Variants in FGD6 observed in about 807,000 individuals in gnomAD.
FGD6 encodes FYVE, RhoGEF and PH domain containing 6, also known as FYVE, RhoGEF and PH domain-containing protein 6.
A neutral mutation model predicts 149.4 loss-of-function variants in FGD6; 90 were observed. The ratio of observed to expected loss-of-function variants is 0.60; its 90% CI spans 0.51 to 0.72. FGD6 has a LOEUF of 0.72. Ranked by LOEUF, FGD6 falls within the 30% of genes least tolerant of loss-of-function variation. The pLI, the probability that FGD6 is intolerant of heterozygous loss-of-function variation, is 0.00. For synonymous variants in FGD6, 527 were observed against 584.0 expected (o/e 0.90, Z 1.41); for missense variants, 1,437 against 1,684.8 (o/e 0.85, Z 2.57).
chr12:95,081,915 G>T (rs1261284588), intron 20 of FGD6, among the ~76,000 whole-genome samples: 1 of 151,874 alleles, frequency 6.6e-6, no homozygotes, highest in Non-Finnish European at 1.5e-5. Context: ...CATGTGATCG[G>T]CCTGCCTCGG....
chr12:95,129,482 C>A (rs543034908), intron 8 of FGD6, among the ~76,000 whole-genome samples: 7 of 152,192 alleles, frequency 4.6e-5, no homozygotes, highest in Non-Finnish European at 7.4e-5. Flanking sequence ...GGATCTATGC[C>A]TGACACTGGG....
At position 95,092,500 on chromosome 12, in the gene FGD6, A is replaced by C. The variant is rs527483757; in HGVS notation, c.3747+199T>G. Among the ~76,000 whole-genome samples the C allele has an allele frequency of 8.0e-4, 122 of 152,210 alleles. 1 individual carries two copies. The highest frequency in any genetic ancestry group is 2.6e-3 in the African/African-American group (108 of 41,572). On this transcript the variant is annotated intron_variant, in intron 16 of 20. Coordinates refer to ENST00000343958, the MANE Select transcript of FGD6 (RefSeq NM_018351.4). ...TGTAACTCTGAAGTAGGAGGGTGGAAGTTCACTAAGAAGATTGCCCCTGCC... is the reference window on the plus strand; with the variant it reads ...TGTAACTCTGAAGTAGGAGGGTGGACGTTCACTAAGAAGATTGCCCCTGCC...
At chr12:95,182,306 G>C (rs532110422) in intron 2 of FGD6, among the ~76,000 whole-genome samples, 7 of 149,716 alleles carry the variant, frequency 4.7e-5, no homozygotes, top group Non-Finnish European at 8.9e-5. Context: ...AGGTTCAAGT[G>C]ATTTTCCTGC....
intron 1 of FGD6, among the ~76,000 whole-genome samples, chr12:95,214,588 T>C (rs1203853565): frequency 1.3e-5 from 2 of 152,242 alleles, no homozygotes; most frequent in East Asian, 3.9e-4. Flanking sequence ...GACCCAAAGC[T>C]TCTTAGAGCA....
In FGD6 at chr12:95,209,905, T is replaced by C. The variant is rs777019086; in HGVS notation, c.1379A>G (p.Lys460Arg). 2 of 1,613,394 alleles carry C rather than the reference T, an allele frequency of 1.2e-6. No individual in the cohort carries two copies. Among genetic ancestry groups the C allele is most frequent in the Non-Finnish European group, 8.5e-7 (1 of 1,179,904 alleles). ...TVSMSLPKQLKLTCNEHLQSG... is the reference protein window; with the variant it reads ...TVSMSLPKQLRLTCNEHLQSG... ...TTGCAAATGTTCATTGCAAGTTAAT[T>C]TGAGCTGCTTAGGCAGGCTCATAGA... Residue 460 changes from lysine to arginine, a missense_variant, in exon 2 of 21, where the codon AAA (lysine) becomes AGA (arginine). Lys to Arg is a conservative substitution (Grantham distance 26). Transcript: ENST00000343958.
intron 13 of FGD6, among the ~76,000 whole-genome samples, chr12:95,105,852 C>T (rs1207624077): frequency 2.0e-5 from 3 of 151,958 alleles, no homozygotes; most frequent in Non-Finnish European, 4.4e-5. Context: ...AGTGAAACCC[C>T]GTCTCTGTGA....
chr12:95,095,166 C>G (rs1298633534), intron 14 of FGD6, among the ~76,000 whole-genome samples: 1 of 152,110 alleles, frequency 6.6e-6, no homozygotes, highest in Non-Finnish European at 1.5e-5. Context: ...AGGAAGGGCA[C>G]TGGGGTGAAG....
At chr12:95,202,116 G>A (rs10859848) in intron 2 of FGD6, among the ~76,000 whole-genome samples, 16,630 of 151,862 alleles carry the variant, frequency 0.11, 1,000 homozygotes, top group East Asian at 0.25. Flanking sequence ...TGGGCTGGCC[G>A]CGGTGAGTCA....
At chr12:95,088,281 A>G (rs1468184654) in intron 18 of FGD6, among the ~76,000 whole-genome samples, 4 of 152,202 alleles carry the variant, frequency 2.6e-5, no homozygotes, top group African/African-American at 9.7e-5. Context: ...TTTTGGGTAC[A>G]CTGTATACTG....
chr12:95,172,624 C>A lies in FGD6; in HGVS notation c.2562G>T (p.Glu854Asp). ...CCTGTTTATCTTCCAGTGGGTCAGG[C>A]TCTCCTTTACTTGACTCAGAGCTGA... is the stretch of plus-strand genomic sequence containing the variant. ...DDVSSESSKG[E>D]PDPLEDKQDE... The change falls in exon 3 of 21, where the codon GAG becomes GAT. Residue 854 changes from glutamate (E) to aspartate (D), a missense_variant. Glu to Asp is a conservative substitution (Grantham distance 45). This residue lies in a region of FGD6 where 1,055 missense variants were observed against 1,146.0 expected (regional missense o/e 0.92). Coordinates refer to ENST00000343958, the MANE Select transcript of FGD6 (RefSeq NM_018351.4). The A allele has an allele frequency of 6.2e-7, 1 of 1,610,736 alleles. No homozygotes were observed. Among genetic ancestry groups the A allele is most frequent in the Non-Finnish European group, 8.5e-7 (1 of 1,178,004 alleles).
At chr12:95,203,009 C>T (rs762491393) in intron 2 of FGD6, among the ~76,000 whole-genome samples, 3 of 152,164 alleles carry the variant, frequency 2.0e-5, no homozygotes, top group Non-Finnish European at 4.4e-5. Context: ...TTAATGTATA[C>T]TCTAATCCTT....
intron 8 of FGD6, among the ~76,000 whole-genome samples, chr12:95,130,910 A>G (rs775378072): frequency 3.9e-4 from 59 of 152,224 alleles, no homozygotes; most frequent in Non-Finnish European, 6.8e-4. Flanking sequence ...TAAAAAAGCA[A>G]ATCTTTAGTA....
chr12:95,195,096 T>C (rs1340815076), intron 2 of FGD6, among the ~76,000 whole-genome samples: 1 of 152,224 alleles, frequency 6.6e-6, no homozygotes, highest in Non-Finnish European at 1.5e-5. Flanking sequence ...TACTGACTTC[T>C]ATAAAAGTAA....
intron 14 of FGD6, among the ~76,000 whole-genome samples, chr12:95,096,783 T>C (rs1184214181): frequency 6.6e-6 from 1 of 152,206 alleles, no homozygotes; most frequent in Non-Finnish European, 1.5e-5. Flanking sequence ...AACCCAAGTG[T>C]AGTTAAGGAC....
At chr12:95,188,706 T>C (rs1881512487) in intron 2 of FGD6, among the ~76,000 whole-genome samples, 1 of 152,190 alleles carries the variant, frequency 6.6e-6, no homozygotes, top group Non-Finnish European at 1.5e-5. Context: ...TATATAACTT[T>C]TATAACTAAA....
chr12:95,117,675 C>T (rs1331218108), intron 8 of FGD6, among the ~76,000 whole-genome samples: 2 of 152,204 alleles, frequency 1.3e-5, no homozygotes, highest in Non-Finnish European at 2.9e-5. Context: ...GATTCTCTCA[C>T]CCTGGCCTCC....
At chr12:95,121,481 GT>G (rs1879189137) in intron 8 of FGD6, among the ~76,000 whole-genome samples, 2 of 121,910 alleles carry the variant, frequency 1.6e-5, no homozygotes, top group African/African-American at 6.7e-5. Flanking sequence ...ATATATATAT[GT>G]ATATATATAT....
At chr12:95,185,361 A>C (rs1323877379) in intron 2 of FGD6, among the ~76,000 whole-genome samples, 1 of 152,222 alleles carries the variant, frequency 6.6e-6, no homozygotes, top group African/African-American at 2.4e-5. Flanking sequence ...ACGTGTATTC[A>C]AGTAAAATAA....
At chr12:95,164,973 G>A (rs954133656) in intron 3 of FGD6, among the ~76,000 whole-genome samples, 13 of 151,756 alleles carry the variant, frequency 8.6e-5, no homozygotes, top group Admixed American at 7.2e-4. Context: ...AAAAAAACAA[G>A]GAAATCAATA....
Sources: allele counts gnomAD v4.1 joint callset (sites outside exome capture counted in the v4.1 genomes callset), GRCh38; gene constraint gnomAD v4.1.1; regional missense constraint gnomAD v4.1.1; transcripts MANE v1.5; gene names NCBI Gene and HGNC (gene_info 2026-07-23, HGNC 2026-07-21).